TIAM1: variants seen among roughly 807,000 people sequenced by gnomAD.
TIAM1 encodes the protein rho guanine nucleotide exchange factor TIAM1.
A neutral mutation model predicts 163.5 loss-of-function variants in TIAM1; 65 were observed. The ratio of observed to expected loss-of-function variants is 0.40; its 90% CI spans 0.33 to 0.49. The LOEUF is 0.49. Ranked by LOEUF, TIAM1 falls within the 20% of genes least tolerant of loss-of-function variation. TIAM1 has a pLI of 0.77. For missense variants in TIAM1, 1,789 were observed against 2,044.7 expected, an observed-to-expected ratio of 0.87 and a Z score of 2.41; for synonymous variants, 833 against 810.1, an observed-to-expected ratio of 1.03 and a Z score of -0.48.
chr21:31,438,580 T>C (rs558540714), intron 2 of TIAM1, among the ~76,000 whole-genome samples: 1 of 152,284 alleles, frequency 6.6e-6, no homozygotes, highest in Admixed American at 6.5e-5. Flanking sequence ...TGCACAAACG[T>C]ACCATCAGCT....
intron 2 of TIAM1, among the ~76,000 whole-genome samples, chr21:31,323,167 A>G (rs1304526594): frequency 6.6e-6 from 1 of 152,054 alleles, no homozygotes; most frequent in African/African-American, 2.4e-5. Context: ...GCCCGCCTGT[A>G]GTCCCAGCTA....
intron 1 of TIAM1, among the ~76,000 whole-genome samples, chr21:31,507,044 C>T (rs368332597): frequency 6.6e-6 from 1 of 152,218 alleles, no homozygotes; most frequent in African/African-American, 2.4e-5. Context: ...GTGAATAATG[C>T]TGTTATGTGC....
At chr21:31,346,066 T>C (rs956980148), upstream of TIAM1, among the ~76,000 whole-genome samples, 1 of 152,092 alleles carries the variant, frequency 6.6e-6, no homozygotes, top group African/African-American at 2.4e-5. Context: ...GGAGGCATTT[T>C]TGGTTGTCAC....
At chr21:31,167,564 A>C (rs935055297) in intron 15 of TIAM1, among the ~76,000 whole-genome samples, 1 of 152,220 alleles carries the variant, frequency 6.6e-6, no homozygotes, top group African/African-American at 2.4e-5. Context: ...GAAGTGGGGT[A>C]GTGTCCATGC....
rs1441995227 is a variant in TIAM1 at position 31,274,432 on chromosome 21, GA to G, written c.-12+2299del. Among the ~76,000 whole-genome samples, 7 of 152,250 alleles carry G rather than the reference GA, an allele frequency of 4.6e-5. No individual in the cohort carries two copies. The East Asian group carries it at 1.4e-3, about 29-fold the overall frequency. On this transcript the variant is annotated intron_variant, in intron 3 of 27. Transcript: ENST00000541036. ...ACCACAGATTGTTGAGGGAAAACAG[GA>G]AAGAAAAAGACACAAAGGAATCTGG...
chr21:31,509,505 C>T (rs1337966707), intron 1 of TIAM1, among the ~76,000 whole-genome samples: 1 of 152,192 alleles, frequency 6.6e-6, no homozygotes, highest in African/African-American at 2.4e-5. Context: ...GCACCTCCTC[C>T]GCCACTGTCA....
At chr21:31,356,788 T>C (rs2076323236) in intron 2 of TIAM1, among the ~76,000 whole-genome samples, 1 of 152,196 alleles carries the variant, frequency 6.6e-6, no homozygotes, top group Non-Finnish European at 1.5e-5. Flanking sequence ...AAGAATCCCT[T>C]CATAGCTTCG....
intron 4 of TIAM1, among the ~76,000 whole-genome samples, chr21:31,255,045 A>C (rs751320877): frequency 6.6e-6 from 1 of 152,102 alleles, no homozygotes; most frequent in Non-Finnish European, 1.5e-5. Context: ...ACATCTGCTC[A>C]TGCCAACTGA....
In TIAM1 at chr21:31,522,919, C is replaced by G. The variant is rs987285190; in HGVS notation, c.-422+36008G>C. On this transcript the variant is annotated intron_variant, in intron 1 of 28. Coordinates refer to the TIAM1 transcript ENST00000286827. ...AATGTCATAGGTTTTTAAGCTACAA[C>G]CACAAATTCTGTCGTTTAAATTTAG... 3.5e-4 allele frequency among the ~76,000 whole-genome samples: 54 copies of G among 152,328 alleles called. 1 individual carries two copies. Among genetic ancestry groups the G allele is most frequent in the African/African-American group, 1.3e-3 (53 of 41,566 alleles).
chr21:31,129,383 G>T (rs2082325233), intron 25 of TIAM1, among the ~76,000 whole-genome samples: 1 of 152,190 alleles, frequency 6.6e-6, no homozygotes, highest in African/African-American at 2.4e-5. Flanking sequence ...CACAGAAAAA[G>T]AATCAACATT....
chr21:31,205,952 G>A (rs2086432764), intron 11 of TIAM1, among the ~76,000 whole-genome samples: 1 of 152,118 alleles, frequency 6.6e-6, no homozygotes, highest in Non-Finnish European at 1.5e-5. Flanking sequence ...GGGGGACAGA[G>A]TGAGACCCTG....
intron 13 of TIAM1, among the ~76,000 whole-genome samples, chr21:31,191,166 C>T (rs1334113659): frequency 6.7e-6 from 1 of 149,432 alleles, no homozygotes; most frequent in Non-Finnish European, 1.5e-5. Flanking sequence ...CTTTTCTTTT[C>T]TTTTTTTTTT....
intron 2 of TIAM1, among the ~76,000 whole-genome samples, chr21:31,377,079 A>G (rs2076700242): frequency 8.3e-6 from 1 of 120,062 alleles, no homozygotes; most frequent in Non-Finnish European, 1.6e-5. Context: ...GGGTTTTACC[A>G]TGTTGGGCAA....
intron 6 of TIAM1, among the ~76,000 whole-genome samples, chr21:31,240,089 G>A (rs2146695478): frequency 6.6e-6 from 1 of 152,278 alleles, no homozygotes; most frequent in Middle Eastern, 3.4e-3. Flanking sequence ...ATGTACCTAT[G>A]GAATGGTTGC....
intron 5 of TIAM1, among the ~76,000 whole-genome samples, chr21:31,248,378 T>G (rs2071619180): frequency 6.6e-6 from 1 of 152,182 alleles, no homozygotes; most frequent in East Asian, 1.9e-4. Flanking sequence ...CAAAAGTGAT[T>G]AAAATCAGCT....
chr21:31,141,978 AT>A lies in TIAM1; in HGVS notation c.3476-475del. On this transcript the variant is annotated intron_variant, in intron 20 of 27. Transcript: ENST00000541036. This position sits in a 1 kb window ranked among gnomAD's most constrained non-coding sequence, Gnocchi z 4.7. ...TGAGGCTCTTACACCCTGGGCCACC[AT>A]TCCCCTGTCCTAATCATCTCAGGGT... Among the ~76,000 whole-genome samples the A allele has an allele frequency of 6.6e-6, 1 of 152,138 alleles. No homozygotes were observed. Among genetic ancestry groups the A allele is most frequent in the South Asian group, 2.1e-4 (1 of 4,818 alleles).
At chr21:31,557,370 G>A (rs561064880) in intron 1 of TIAM1, among the ~76,000 whole-genome samples, 1 of 152,260 alleles carries the variant, frequency 6.6e-6, no homozygotes, top group Admixed American at 6.5e-5. Flanking sequence ...GAATCAACAG[G>A]ACTCTAATAT....
chr21:31,242,709 A>G (rs1022176134), intron 6 of TIAM1, among the ~76,000 whole-genome samples: 11 of 152,080 alleles, frequency 7.2e-5, no homozygotes, highest in African/African-American at 2.7e-4. Context: ...CAAATAAACA[A>G]TAAACAACAA....
chr21:31,238,735 T>G (rs903835171), intron 6 of TIAM1, among the ~76,000 whole-genome samples: 4 of 152,222 alleles, frequency 2.6e-5, no homozygotes, highest in Non-Finnish European at 5.9e-5. Flanking sequence ...TAGTCACTTT[T>G]TACTGTAGCC....
Sources: gnomAD v4.1 joint callset for allele counts (sites outside exome capture counted in the v4.1 genomes callset) on GRCh38, gnomAD v4.1.1 for gene constraint, Gnocchi (gnomAD v3.1) non-coding constraint, MANE v1.5 for transcripts, NCBI Gene and HGNC (gene_info 2026-07-23, HGNC 2026-07-21) for gene names.